PAK5: variants seen among roughly 807,000 people sequenced by gnomAD.
The protein encoded by PAK5 is serine/threonine-protein kinase PAK 5.
Under a neutral mutation model 65.9 loss-of-function variants are expected in PAK5, and 16 were observed. The ratio of observed to expected loss-of-function variants is 0.24; its 90% CI spans 0.16 to 0.37. The LOEUF (loss-of-function observed/expected upper bound fraction) is 0.37. PAK5 is among the 10% of genes least tolerant of loss of function. The probability of loss-of-function intolerance (pLI) is 1.00; values close to 1 mark genes in which losing one functional copy is unlikely to be tolerated. For missense variants in PAK5, 785 were observed against 903.9 expected, an observed-to-expected ratio of 0.87 and a Z score of 1.69; for synonymous variants, 371 against 354.9, an observed-to-expected ratio of 1.05 and a Z score of -0.51.
intron 1 of PAK5, among the ~76,000 whole-genome samples, chr20:9,810,118 G>A (rs1461283222): frequency 6.6e-6 from 1 of 152,076 alleles, no homozygotes; most frequent in Non-Finnish European, 1.5e-5. Context: ...TGCAGCAGTG[G>A]TTCCCAACCT....
intron 1 of PAK5, among the ~76,000 whole-genome samples, chr20:9,813,850 G>A (rs1258787709): frequency 6.6e-6 from 1 of 152,182 alleles, no homozygotes; most frequent in East Asian, 1.9e-4. Context: ...CTGGGTGCTT[G>A]TACAAAGGTG....
At chr20:9,563,103 T>C (rs2122978940) in intron 5 of PAK5, 79 bp from the exon 6 acceptor site, 1 of 1,262,622 alleles carries the variant, frequency 7.9e-7, no homozygotes, top group Non-Finnish European at 1.1e-6. Flanking sequence ...ACTACAATTG[T>C]AAGTAAACTG....
chr20:9,570,218 A>G (rs1050229236), intron 4 of PAK5, among the ~76,000 whole-genome samples: 5 of 152,168 alleles, frequency 3.3e-5, no homozygotes, highest in African/African-American at 1.2e-4. Flanking sequence ...ATTATATAAA[A>G]TGCTTAGCAC....
At chr20:9,633,860 G>A (rs1415682771) in intron 3 of PAK5, among the ~76,000 whole-genome samples, 1 of 152,178 alleles carries the variant, frequency 6.6e-6, no homozygotes, top group Admixed American at 6.5e-5. Context: ...CTAACCATTG[G>A]TGGTAAATAA....
intron 5 of PAK5, among the ~76,000 whole-genome samples, chr20:9,565,299 A>G (rs1364508747): frequency 6.6e-6 from 1 of 152,186 alleles, no homozygotes; most frequent in Non-Finnish European, 1.5e-5. Context: ...CTTGACTGGG[A>G]TATCTGTGGG....
chr20:9,722,808 C>T (rs975615541), intron 1 of PAK5, among the ~76,000 whole-genome samples: 4 of 151,406 alleles, frequency 2.6e-5, no homozygotes, highest in Non-Finnish European at 5.9e-5. Flanking sequence ...GCCATCTCGA[C>T]TCATTGCAAC....
At chr20:9,594,245 T>C (rs891995248) in intron 3 of PAK5, among the ~76,000 whole-genome samples, 6 of 152,220 alleles carry the variant, frequency 3.9e-5, no homozygotes, top group Non-Finnish European at 8.8e-5. Context: ...GAATGCAGAA[T>C]TGCAGCCCCA....
chr20:9,804,744 C>T (rs1160621794), intron 1 of PAK5, among the ~76,000 whole-genome samples: 1 of 152,078 alleles, frequency 6.6e-6, no homozygotes, highest in Non-Finnish European at 1.5e-5. Flanking sequence ...AACTTTCATG[C>T]AAAGGACACT....
chr20:9,564,630 G>C (rs1257756754), intron 5 of PAK5, among the ~76,000 whole-genome samples: 1 of 152,112 alleles, frequency 6.6e-6, no homozygotes, highest in Non-Finnish European at 1.5e-5. Context: ...AATTAACACT[G>C]TATATCATTT....
chr20:9,574,703 A>G (rs372851502), intron 4 of PAK5, among the ~76,000 whole-genome samples: 12 of 152,244 alleles, frequency 7.9e-5, no homozygotes, highest in Non-Finnish European at 8.8e-5. Context: ...AAGGACACCT[A>G]AAGTCTCCAT....
chr20:9,734,188 G>C (rs2048364171), intron 1 of PAK5, among the ~76,000 whole-genome samples: 1 of 152,194 alleles, frequency 6.6e-6, no homozygotes, highest in Non-Finnish European at 1.5e-5. Flanking sequence ...CAAAGTTTTT[G>C]ACAGCTTTCT....
rs575431397 is a variant in PAK5, at chr20:9,649,093, T to G, written c.-11-4754A>C. Among the ~76,000 whole-genome samples the G allele has an allele frequency of 5.9e-5, 9 of 152,336 alleles. No homozygotes were observed. In the East Asian group the frequency reaches 1.7e-3, roughly 29 times the overall value. On this transcript the variant is annotated intron_variant, in intron 2 of 9. Coordinates refer to ENST00000353224, the MANE Select transcript of PAK5 (RefSeq NM_177990.4). ...ACAGAAAGTTACATAGGTTTAGAAG[T>G]AGGCAATTCAAGAATTAATTTGAAA...
At chr20:9,557,831 C>A in intron 6 of PAK5, 97 bp from the exon 7 acceptor site, 1 of 905,800 alleles carries the variant, frequency 1.1e-6, no homozygotes, top group Non-Finnish European at 1.7e-6. Flanking sequence ...TGAAACAGTC[C>A]ACGTGCTCCA....
At chr20:9,784,269 A>G (rs1315023542) in intron 1 of PAK5, 1 of 152,218 alleles carries the variant, frequency 6.6e-6, no homozygotes, top group Non-Finnish European at 1.5e-5. Context: ...AGGATTGGGA[A>G]TGACAGTAGC....
chr20:9,539,147 C>A lies in PAK5; in HGVS notation c.*315G>T. ...TCAATATAGAAAATCCTACATGTTA[C>A]CCTGCATGTGGCTAGGATATATCAT... On this transcript the variant is annotated 3_prime_UTR_variant, in exon 10 of 10. Coordinates refer to ENST00000353224, the MANE Select transcript of PAK5 (RefSeq NM_177990.4). 1 of 241,194 alleles carries A rather than the reference C, an allele frequency of 4.1e-6. No individual in the cohort carries two copies. Among genetic ancestry groups the A allele is most frequent in the Non-Finnish European group, 7.9e-6 (1 of 126,400 alleles). 14.9% of individuals were successfully genotyped at this position (241,194 alleles called of 1,614,324 possible). A position where few individuals can be genotyped will look rare whatever the true frequency, so the allele number is the denominator to read the frequency against.
At chr20:9,610,640 C>T (rs1314382094) in intron 3 of PAK5, among the ~76,000 whole-genome samples, 1 of 152,190 alleles carries the variant, frequency 6.6e-6, no homozygotes, top group Non-Finnish European at 1.5e-5. Context: ...TTGTAGCAGA[C>T]TCTGTTGACA....
At chr20:9,807,932 C>A (rs763932982) in intron 1 of PAK5, among the ~76,000 whole-genome samples, 18 of 151,930 alleles carry the variant, frequency 1.2e-4, no homozygotes, top group Non-Finnish European at 2.5e-4. Flanking sequence ...AGTTCCCCAG[C>A]CAGAAGCATT....
In PAK5 at chr20:9,653,536, T is replaced by C. The variant is rs558313863; in HGVS notation, c.-11-9197A>G. On this transcript the variant is annotated intron_variant, in intron 2 of 9. Transcript: ENST00000353224. ...CTTATATAGATAGCATCCCATTGCA[T>C]TAAATTGTGGAAGCCAGTTCTGAGA... 3.3e-5 allele frequency among the ~76,000 whole-genome samples: 5 copies of C among 152,354 alleles called. No homozygotes were observed. In the South Asian group the frequency reaches 1.0e-3, roughly 32 times the overall value.
In PAK5 at chr20:9,695,813, T is replaced by A. The variant is rs572426127; in HGVS notation, c.-12+15473A>T. The stretch of plus-strand genomic sequence containing the variant: ...AACTCTCAAATTCTAAAAAAAAAAA[T>A]TCAACTTTTAAATTCTAAAAAAACT... On this transcript the variant is annotated intron_variant, in intron 2 of 9. Coordinates refer to ENST00000353224, the MANE Select transcript of PAK5 (RefSeq NM_177990.4). Among the ~76,000 whole-genome samples, 643 of 151,958 alleles carry A rather than the reference T, an allele frequency of 4.2e-3. 4 individuals are homozygous for A. Among genetic ancestry groups the A allele is most frequent in the African/African-American group, 0.014 (566 of 41,478 alleles).
Sources: allele counts gnomAD v4.1 joint callset (sites outside exome capture counted in the v4.1 genomes callset), GRCh38; gene constraint gnomAD v4.1.1; transcripts MANE v1.5; gene names NCBI Gene and HGNC (gene_info 2026-07-23, HGNC 2026-07-21).